SH3RF3: variants seen among roughly 807,000 people sequenced by gnomAD.
SH3RF3 encodes SH3 domain containing ring finger 3.
A neutral mutation model predicts 66.3 loss-of-function variants in SH3RF3; 29 were observed. That is an observed-to-expected ratio of 0.44 (90% CI 0.33 to 0.60). The LOEUF is 0.60. Ranked by LOEUF, SH3RF3 falls within the 20% of genes least tolerant of loss-of-function variation. The probability of loss-of-function intolerance (pLI) is 0.04; values close to 1 mark genes in which losing one functional copy is unlikely to be tolerated. For missense variants in SH3RF3, 1,194 were observed against 1,190.9 expected, an observed-to-expected ratio of 1.00 and a Z score of -0.04; for synonymous variants, 583 against 532.0, an observed-to-expected ratio of 1.10 and a Z score of -1.32.
Position 109,150,235 on chromosome 2 carries a change from C to T in SH3RF3, c.573+20122C>T, listed in dbSNP as rs148034941. On this transcript the variant is annotated intron_variant, in intron 1 of 9. Coordinates refer to ENST00000309415, the MANE Select transcript of SH3RF3 (RefSeq NM_001099289.3). The stretch of plus-strand genomic sequence containing the variant: ...CAGGTAAAGAGGGAGGAAGAGTGTT[C>T]CAGCGGAGGGAATGGCAAGCATGGA... Among the ~76,000 whole-genome samples the T allele has an allele frequency of 2.0e-5, 3 of 152,066 alleles. No homozygotes were observed. The East Asian group carries it at 5.8e-4, about 30-fold the overall frequency.
chr2:109,467,200 C>T (rs1438059651), intron 8 of SH3RF3, among the ~76,000 whole-genome samples: 1 of 152,238 alleles, frequency 6.6e-6, no homozygotes, highest in East Asian at 1.9e-4. Context: ...TCCGTAGCAG[C>T]TTTATTTGTG....
At position 109,230,782 on chromosome 2, in the gene SH3RF3, C is replaced by T. The variant is rs567583964; in HGVS notation, c.573+100669C>T. On this transcript the variant is annotated intron_variant, in intron 1 of 9. Coordinates refer to ENST00000309415, the MANE Select transcript of SH3RF3 (RefSeq NM_001099289.3). ...TGGGTTTGTCTGGACATGACCCTAT[C>T]ATAAGTGCTGGAGCATCTGTGTTTG... 3.3e-5 allele frequency among the ~76,000 whole-genome samples: 5 copies of T among 152,270 alleles called. No homozygotes were observed. In the South Asian group the frequency reaches 1.0e-3, roughly 32 times the overall value.
At chr2:109,267,009 A>C (rs551952935) in intron 1 of SH3RF3, among the ~76,000 whole-genome samples, 1 of 152,178 alleles carries the variant, frequency 6.6e-6, no homozygotes, top group Non-Finnish European at 1.5e-5. Flanking sequence ...CTTGAAGAAC[A>C]AACAATAATA....
At chr2:109,454,657 T>C (rs1023003661) in intron 8 of SH3RF3, among the ~76,000 whole-genome samples, 3 of 152,152 alleles carry the variant, frequency 2.0e-5, no homozygotes, top group Non-Finnish European at 4.4e-5. Flanking sequence ...CATTTTTATT[T>C]AGATTGGATG....
In SH3RF3 at chr2:109,398,884, C is replaced by A; in HGVS notation, c.1240C>A (p.Pro414Thr). Reference sequence around the variant, plus strand: ...TCCAGTGTTGATCAGCTCCAGCGATCCCCGAGCCGCGGCCAGGATTGGAGA... The same window carrying A: ...TCCAGTGTTGATCAGCTCCAGCGATACCCGAGCCGCGGCCAGGATTGGAGA... ...SAPVLISSSD[P>T]RAAARIGDLA... The change falls in exon 4 of 10, where the codon CCC (proline) becomes ACC (threonine). Residue 414 changes from proline (P) to threonine (T), a missense_variant. Physicochemically the swap from Pro to Thr is conservative, Grantham distance 38. Transcript: ENST00000309415. 1 of 1,613,772 alleles carries A rather than the reference C, an allele frequency of 6.2e-7. No individual in the cohort carries two copies. The highest frequency in any genetic ancestry group is 8.5e-7 in the Non-Finnish European group (1 of 1,179,882).
intron 1 of SH3RF3, among the ~76,000 whole-genome samples, chr2:109,250,064 T>C (rs1680048324): frequency 6.6e-6 from 1 of 151,776 alleles, no homozygotes; most frequent in African/African-American, 2.4e-5. Flanking sequence ...ACATCAGTGT[T>C]TTTGAGGGCA....
At chr2:109,138,945 A>G (rs917476635) in intron 1 of SH3RF3, among the ~76,000 whole-genome samples, 1 of 152,242 alleles carries the variant, frequency 6.6e-6, no homozygotes, top group African/African-American at 2.4e-5. Flanking sequence ...CTGTAAACAA[A>G]TAGCCAATAG....
At chr2:109,293,401 G>A (rs906763679) in intron 1 of SH3RF3, among the ~76,000 whole-genome samples, 5 of 152,214 alleles carry the variant, frequency 3.3e-5, no homozygotes, top group African/African-American at 7.2e-5. Context: ...TCTCTTGTCT[G>A]GACTGATCTG....
chr2:109,405,063 C>G (rs1172941559), intron 4 of SH3RF3, among the ~76,000 whole-genome samples: 1 of 151,490 alleles, frequency 6.6e-6, no homozygotes, highest in Non-Finnish European at 1.5e-5. Flanking sequence ...AAATACCCCC[C>G]ACCTTCTCTT....
At position 109,420,851 on chromosome 2, in the gene SH3RF3, C is replaced by T. The variant is rs553247143; in HGVS notation, c.1403+1209C>T. Among the ~76,000 whole-genome samples the T allele has an allele frequency of 2.0e-5, 3 of 152,328 alleles. No homozygotes were observed. The South Asian group carries it at 6.2e-4, about 32-fold the overall frequency. On this transcript the variant is annotated intron_variant, in intron 5 of 9. Transcript: ENST00000309415. ...TGGCACACACTCACCCACCTCTAAG[C>T]CCAGTGGAAACACCAGCCTTTCTTA...
chr2:109,375,126 C>A (rs1292900848), intron 3 of SH3RF3, among the ~76,000 whole-genome samples: 1 of 152,260 alleles, frequency 6.6e-6, no homozygotes, highest in African/African-American at 2.4e-5. Flanking sequence ...CTGGCACCCA[C>A]CTGCCACAGG....
At chr2:109,243,613 T>C (rs1040116677) in intron 1 of SH3RF3, among the ~76,000 whole-genome samples, 10 of 152,102 alleles carry the variant, frequency 6.6e-5, no homozygotes, top group African/African-American at 2.4e-4. Flanking sequence ...GGGAACATTT[T>C]TAAAGAGATG....
intron 1 of SH3RF3, among the ~76,000 whole-genome samples, chr2:109,286,875 GT>G (rs771951999): frequency 6.6e-6 from 1 of 152,140 alleles, no homozygotes; most frequent in Non-Finnish European, 1.5e-5. Context: ...TCGTTGACCG[GT>G]CTGTCCCCAG....
intron 1 of SH3RF3, among the ~76,000 whole-genome samples, chr2:109,203,731 A>G (rs1333165232): frequency 6.6e-6 from 1 of 152,054 alleles, no homozygotes. Flanking sequence ...CTCCATGGGT[A>G]TGCTCTGCCC....
intron 1 of SH3RF3, among the ~76,000 whole-genome samples, chr2:109,190,398 T>C (rs1217747210): frequency 5.9e-5 from 9 of 152,218 alleles, no homozygotes; most frequent in African/African-American, 2.2e-4. Flanking sequence ...GGTCTCAAAT[T>C]CCTGACCTCA....
chr2:109,194,916 G>GA (rs1281909222), intron 1 of SH3RF3, among the ~76,000 whole-genome samples: 2 of 151,968 alleles, frequency 1.3e-5, no homozygotes, highest in Non-Finnish European at 2.9e-5. Flanking sequence ...AAAAGAAAAA[G>GA]AAAAAAATCC....
chr2:109,278,010 CA>C (rs58675048), intron 1 of SH3RF3, among the ~76,000 whole-genome samples: 826 of 81,336 alleles, frequency 0.01, 6 homozygotes, highest in African/African-American at 0.038. Context: ...CTGTCTCTAA[CA>C]AAAAAAAAAA....
At chr2:109,425,793 T>A (rs947056292) in intron 5 of SH3RF3, among the ~76,000 whole-genome samples, 1 of 152,236 alleles carries the variant, frequency 6.6e-6, no homozygotes, top group Non-Finnish European at 1.5e-5. Flanking sequence ...ATGAATGTTG[T>A]TTTCATGCCT....
At chr2:109,429,894 G>T (rs1677144406) in intron 5 of SH3RF3, among the ~76,000 whole-genome samples, 1 of 152,176 alleles carries the variant, frequency 6.6e-6, no homozygotes, top group African/African-American at 2.4e-5. Flanking sequence ...GCCTGCAGTA[G>T]CCTGGAGGGA....
Sources: allele counts gnomAD v4.1 joint callset (sites outside exome capture counted in the v4.1 genomes callset), GRCh38; gene constraint gnomAD v4.1.1; transcripts MANE v1.5; gene names NCBI Gene and HGNC (gene_info 2026-07-23, HGNC 2026-07-21).